The following TCERG1L variants were observed in gnomAD, a reference collection of about 807,000 sequenced individuals.
TCERG1L encodes the protein transcription elongation regulator 1-like protein.
In TCERG1L, 37 loss-of-function variants were observed where a neutral mutation model predicts 56.3. The ratio of observed to expected loss-of-function variants is 0.66; its 90% confidence interval spans 0.51 to 0.87. TCERG1L has a LOEUF of 0.87. TCERG1L is among the 40% of genes least tolerant of loss of function. The pLI is 0.00. For synonymous variants in TCERG1L, 324 were observed against 326.3 expected (o/e 0.99, Z 0.08); for missense variants, 799 against 774.2 (o/e 1.03, Z -0.38).
chr10:131,244,833 T>G lies in TCERG1L; in HGVS notation c.856+15426A>C, dbSNP rs556156415. Among the ~76,000 whole-genome samples, 34 of 152,138 alleles carry G rather than the reference T, an allele frequency of 2.2e-4. No individual in the cohort carries two copies. The South Asian group carries it at 5.8e-3, about 26-fold the overall frequency. ...AGGTGTCCCCCAGGGAGAGAAGACA[T>G]CAGCAGCTGCCTAGAGTCTCCATGC... On this transcript the variant is annotated intron_variant, in intron 4 of 11. Transcript: ENST00000368642.
chr10:131,109,863 A>G (rs1288459780), intron 9 of TCERG1L, among the ~76,000 whole-genome samples: 1 of 152,218 alleles, frequency 6.6e-6, no homozygotes, highest in Non-Finnish European at 1.5e-5. Context: ...GGTTGTTAGA[A>G]ACGCAGGCGC....
chr10:131,233,851 C>G (rs1398378812), intron 4 of TCERG1L, among the ~76,000 whole-genome samples: 1 of 152,158 alleles, frequency 6.6e-6, no homozygotes, highest in Admixed American at 6.5e-5. Flanking sequence ...GGGTGGATCC[C>G]TCATAAATGG....
At chr10:131,211,624 C>A (rs1334978461) in intron 4 of TCERG1L, among the ~76,000 whole-genome samples, 1 of 152,206 alleles carries the variant, frequency 6.6e-6, no homozygotes, top group African/African-American at 2.4e-5. Flanking sequence ...TCATAGGCAG[C>A]TCCTTTCATG....
intron 9 of TCERG1L, among the ~76,000 whole-genome samples, chr10:131,112,967 A>T (rs1346785597): frequency 7.0e-6 from 1 of 142,170 alleles, no homozygotes; most frequent in Non-Finnish European, 1.6e-5. Context: ...GCACAGGCAG[A>T]GTTCCCGTGA....
rs914668663 is a variant in TCERG1L, at chr10:131,278,296, C to G, written c.671-17852G>C. Among the ~76,000 whole-genome samples the G allele has an allele frequency of 9.9e-5, 15 of 152,006 alleles. No individual in the cohort carries two copies. In the East Asian group the frequency reaches 1.2e-3, roughly 12 times the overall value. On this transcript the variant is annotated intron_variant, in intron 3 of 11. Transcript: ENST00000368642. ...TGGTGAAGATGAGACGAGGCCCCCC[C>G]TCCTGTCCTCTCCCCTTGAGCTACA...
chr10:131,253,241 T>A (rs544955833), intron 4 of TCERG1L, among the ~76,000 whole-genome samples: 1 of 152,160 alleles, frequency 6.6e-6, no homozygotes, highest in Non-Finnish European at 1.5e-5. Context: ...GAATGACAGC[T>A]GGTGGGTGGG....
intron 8 of TCERG1L, among the ~76,000 whole-genome samples, chr10:131,132,475 G>T (rs1192490780): frequency 1.3e-5 from 2 of 152,240 alleles, no homozygotes; most frequent in Non-Finnish European, 2.9e-5. Flanking sequence ...AGTCCCACGG[G>T]ATGGGAGTGC....
At chr10:131,179,237 A>T (rs2133450532) in intron 4 of TCERG1L, among the ~76,000 whole-genome samples, 1 of 152,362 alleles carries the variant, frequency 6.6e-6, no homozygotes, top group Non-Finnish European at 1.5e-5. Flanking sequence ...CCACGCAGCC[A>T]CGTGGGCAGC....
At chr10:131,129,218 A>AG (rs1845593668) in intron 8 of TCERG1L, among the ~76,000 whole-genome samples, 1 of 152,126 alleles carries the variant, frequency 6.6e-6, no homozygotes, top group Non-Finnish European at 1.5e-5. Flanking sequence ...GAAAAAAAAA[A>AG]GAAAACAGTC....
chr10:131,257,824 C>T (rs544238661), intron 4 of TCERG1L, among the ~76,000 whole-genome samples: 1 of 152,288 alleles, frequency 6.6e-6, no homozygotes, highest in African/African-American at 2.4e-5. Context: ...AGCTAAACCA[C>T]GTGGAGCTCT....
intron 3 of TCERG1L, among the ~76,000 whole-genome samples, chr10:131,280,135 A>G (rs1266099921): frequency 6.6e-6 from 1 of 152,190 alleles, no homozygotes; most frequent in Non-Finnish European, 1.5e-5. Context: ...CATTCTATAC[A>G]TTCAAAGCCA....
In TCERG1L at chr10:131,231,722, G is replaced by C. The variant is rs191846453; in HGVS notation, c.856+28537C>G. On this transcript the variant is annotated intron_variant, in intron 4 of 11. Transcript: ENST00000368642. Reference sequence around the variant, plus strand: ...TGAAGCCAATGAGGCCGGCACGTGGGGGGAAGTCAGTGCTAAGATTTTATC... The same window carrying C: ...TGAAGCCAATGAGGCCGGCACGTGGCGGGAAGTCAGTGCTAAGATTTTATC... Among the ~76,000 whole-genome samples, 212 of 152,292 alleles carry C rather than the reference G, an allele frequency of 1.4e-3. 1 individual carries two copies. Among genetic ancestry groups the C allele is most frequent in the Admixed American group, 3.8e-3 (58 of 15,302 alleles).
intron 3 of TCERG1L, among the ~76,000 whole-genome samples, chr10:131,266,422 A>C (rs1200701157): frequency 1.3e-5 from 2 of 152,216 alleles, no homozygotes; most frequent in Non-Finnish European, 2.9e-5. Flanking sequence ...AAAACAATTC[A>C]TCTCATCCCC....
At chr10:131,096,896 A>G (rs1845254073) in intron 11 of TCERG1L, among the ~76,000 whole-genome samples, 1 of 151,786 alleles carries the variant, frequency 6.6e-6, no homozygotes. Flanking sequence ...AAAAAAAAAA[A>G]AAGAAAGAAA....
At chr10:131,211,954 C>A (rs1176325211) in intron 4 of TCERG1L, among the ~76,000 whole-genome samples, 1 of 152,206 alleles carries the variant, frequency 6.6e-6, no homozygotes, top group East Asian at 1.9e-4. Flanking sequence ...TGAGTAGACA[C>A]ATGACCATCC....
At chr10:131,222,691 A>C (rs1845747035) in intron 4 of TCERG1L, among the ~76,000 whole-genome samples, 1 of 152,188 alleles carries the variant, frequency 6.6e-6, no homozygotes, top group Non-Finnish European at 1.5e-5. Context: ...CTCAGGAAAG[A>C]CTATGTCTAA....
At chr10:131,170,360 C>G (rs1398210167) in intron 4 of TCERG1L, among the ~76,000 whole-genome samples, 1 of 152,084 alleles carries the variant, frequency 6.6e-6, no homozygotes, top group Non-Finnish European at 1.5e-5. Context: ...GCAGACAGAA[C>G]TAGTTTATGG....
rs1261706414 is a variant in TCERG1L, at chr10:131,113,528, C to G, written c.1395+3271G>C. Among the ~76,000 whole-genome samples the G allele has an allele frequency of 2.1e-5, 3 of 142,532 alleles. 1 individual carries two copies. The highest frequency in any genetic ancestry group is 3.2e-5 in the Non-Finnish European group (2 of 63,242). The allele number at this position is 142,532 out of a possible 152,430, so 93.5% of individuals were successfully genotyped here. A position where few individuals can be genotyped will look rare whatever the true frequency, so the allele number is the denominator to read the frequency against. On this transcript the variant is annotated intron_variant, in intron 9 of 11. Transcript: ENST00000368642. ...TCTGTCTGGTTTGTACCCACTCACC[C>G]CACAGCCTCGCTGTCAACACCCATC...
chr10:131,203,131 T>A (rs1456847285), intron 4 of TCERG1L, among the ~76,000 whole-genome samples: 3 of 152,174 alleles, frequency 2.0e-5, no homozygotes, highest in African/African-American at 7.2e-5. Context: ...AGCTTTTCAA[T>A]GACAGCAGTG....
Sources: gnomAD v4.1 joint callset for allele counts (sites outside exome capture counted in the v4.1 genomes callset) on GRCh38, gnomAD v4.1.1 for gene constraint, MANE v1.5 for transcripts, NCBI Gene and HGNC (gene_info 2026-07-23, HGNC 2026-07-21) for gene names.